Variants in NKAIN2 observed in about 807,000 individuals in gnomAD.
The protein encoded by NKAIN2 is sodium/potassium transporting ATPase interacting 2, also known as sodium/potassium-transporting ATPase subunit beta-1-interacting protein 2.
In NKAIN2, 14 loss-of-function variants were observed where a neutral mutation model predicts 32.6. The observed-to-expected ratio is 0.43, with a 90% CI of 0.28 to 0.67. The LOEUF is 0.67. Ranked by LOEUF, NKAIN2 falls within the 30% of genes least tolerant of loss-of-function variation. NKAIN2 has a pLI of 0.17. For synonymous variants in NKAIN2, 80 were observed against 87.2 expected, an observed-to-expected ratio of 0.92 and a Z score of 0.46; for missense variants, 198 against 258.3, an observed-to-expected ratio of 0.77 and a Z score of 1.60.
chr6:124,561,811 C>T (rs1317726443), intron 3 of NKAIN2, among the ~76,000 whole-genome samples: 1 of 152,218 alleles, frequency 6.6e-6, no homozygotes, highest in Non-Finnish European at 1.5e-5. Context: ...CTCCTTTGCA[C>T]TTGTGGACTA....
At chr6:124,351,813 G>A (rs1297594243) in intron 2 of NKAIN2, among the ~76,000 whole-genome samples, 3 of 151,958 alleles carry the variant, frequency 2.0e-5, no homozygotes, top group African/African-American at 7.3e-5. Flanking sequence ...GTAGAGATGG[G>A]GTTTTGCCAC....
chr6:123,938,438 A>T, intron 1 of NKAIN2, among the ~76,000 whole-genome samples: 1 of 96,072 alleles, frequency 1.0e-5, no homozygotes, highest in East Asian at 2.3e-4. Context: ...ATATATATAT[A>T]TATATATATA....
intron 1 of NKAIN2, among the ~76,000 whole-genome samples, chr6:123,897,203 T>A (rs1406770602): frequency 6.6e-6 from 1 of 152,146 alleles, no homozygotes; most frequent in Non-Finnish European, 1.5e-5. Flanking sequence ...TCTTCAGTGA[T>A]CCCCATAGCC....
intron 3 of NKAIN2, among the ~76,000 whole-genome samples, chr6:124,425,758 G>A (rs1297372345): frequency 1.3e-5 from 2 of 151,880 alleles, no homozygotes; most frequent in African/African-American, 4.8e-5. Context: ...AATGAGTTAT[G>A]AGCTAATATC....
chr6:124,510,687 C>T (rs556319828), intron 3 of NKAIN2, among the ~76,000 whole-genome samples: 13 of 152,082 alleles, frequency 8.5e-5, no homozygotes, highest in Non-Finnish European at 1.6e-4. Flanking sequence ...TTGTTTTGAG[C>T]TAAGTGTGAA....
At chr6:124,255,253 A>G (rs1361710325) in intron 1 of NKAIN2, among the ~76,000 whole-genome samples, 1 of 152,238 alleles carries the variant, frequency 6.6e-6, no homozygotes, top group Non-Finnish European at 1.5e-5. Context: ...ACAGCTATGA[A>G]CATTTGTATT....
intron 1 of NKAIN2, among the ~76,000 whole-genome samples, chr6:124,087,516 T>G (rs1432413604): frequency 6.6e-6 from 1 of 151,782 alleles, no homozygotes; most frequent in Admixed American, 6.6e-5. Context: ...GTGTAGAAAA[T>G]CTAAAAGAAT....
intron 3 of NKAIN2, among the ~76,000 whole-genome samples, chr6:124,621,822 C>G (rs1783117250): frequency 6.6e-6 from 1 of 152,152 alleles, no homozygotes; most frequent in South Asian, 2.1e-4. Context: ...GGAGGCACTT[C>G]CTTTCCTCAC....
intron 5 of NKAIN2, among the ~76,000 whole-genome samples, chr6:124,799,858 A>T (rs1780173977): frequency 6.6e-6 from 1 of 152,204 alleles, no homozygotes; most frequent in East Asian, 1.9e-4. Context: ...CCAGTGGTGC[A>T]GACCCCCACA....
chr6:123,814,486 A>G (rs1309871393), intron 1 of NKAIN2, among the ~76,000 whole-genome samples: 1 of 152,214 alleles, frequency 6.6e-6, no homozygotes, highest in Non-Finnish European at 1.5e-5. Flanking sequence ...AAATCTTGCA[A>G]CAAAAATATG....
intron 3 of NKAIN2, among the ~76,000 whole-genome samples, chr6:124,543,320 C>A (rs373480925): frequency 1.8e-4 from 28 of 152,272 alleles, no homozygotes; most frequent in African/African-American, 6.5e-4. Flanking sequence ...AATACCTTTA[C>A]AAGCACATCA....
chr6:124,001,480 A>T lies in NKAIN2; in HGVS notation c.54+197226A>T, dbSNP rs577829277. On this transcript the variant is annotated intron_variant, in intron 1 of 6. Coordinates refer to ENST00000368417, the MANE Select transcript of NKAIN2 (RefSeq NM_001040214.3). ...GAAAAAGTAACATTGTTTAAAATTG[A>T]TATCTGTCTGCATAACAGAGTATCA... Among the ~76,000 whole-genome samples, 7 of 152,128 alleles carry T rather than the reference A, an allele frequency of 4.6e-5. No homozygotes were observed. In the East Asian group the frequency reaches 1.4e-3, roughly 29 times the overall value.
chr6:124,784,693 G>A (rs1287487980), intron 4 of NKAIN2, among the ~76,000 whole-genome samples: 1 of 152,102 alleles, frequency 6.6e-6, no homozygotes, highest in African/African-American at 2.4e-5. Context: ...ACATATTAGT[G>A]TACAGGTTTT....
chr6:124,225,018 G>C (rs370254648), intron 1 of NKAIN2, among the ~76,000 whole-genome samples: 12 of 152,102 alleles, frequency 7.9e-5, no homozygotes, highest in African/African-American at 2.9e-4. Context: ...TCCAGGTTAA[G>C]ATACATATCC....
chr6:124,436,815 T>G (rs1444596739), intron 3 of NKAIN2, among the ~76,000 whole-genome samples: 1 of 152,168 alleles, frequency 6.6e-6, no homozygotes, highest in Non-Finnish European at 1.5e-5. Flanking sequence ...AGCCAGAACA[T>G]GTCACTGCTC....
At chr6:124,793,859 G>T (rs1470342205) in intron 5 of NKAIN2, among the ~76,000 whole-genome samples, 1 of 152,084 alleles carries the variant, frequency 6.6e-6, no homozygotes, top group East Asian at 1.9e-4. Context: ...AGATCAAAGA[G>T]AAAAACCAGA....
At chr6:124,612,825 T>G (rs1583519633) in intron 3 of NKAIN2, among the ~76,000 whole-genome samples, 1 of 152,312 alleles carries the variant, frequency 6.6e-6, no homozygotes, top group East Asian at 1.9e-4. Flanking sequence ...TATGTATCCT[T>G]ATATGATATA....
intron 4 of NKAIN2, among the ~76,000 whole-genome samples, chr6:124,705,660 G>C (rs1775021820): frequency 6.6e-6 from 1 of 152,028 alleles, no homozygotes; most frequent in Non-Finnish European, 1.5e-5. Context: ...ATTATGTCCT[G>C]ATTTTCAAAA....
chr6:124,499,274 T>C (rs989839960), intron 3 of NKAIN2, among the ~76,000 whole-genome samples: 3 of 152,206 alleles, frequency 2.0e-5, no homozygotes, highest in Non-Finnish European at 1.5e-5. Context: ...CTGATACTTA[T>C]AGACAGGCCC....
Sources: gnomAD v4.1 joint callset for allele counts (sites outside exome capture counted in the v4.1 genomes callset) on GRCh38, gnomAD v4.1.1 for gene constraint, MANE v1.5 for transcripts, NCBI Gene and HGNC (gene_info 2026-07-23, HGNC 2026-07-21) for gene names.